N4BP2: variants seen among roughly 807,000 people sequenced by gnomAD.
N4BP2 encodes the protein NEDD4 binding protein 2.
Under a neutral mutation model 152.8 loss-of-function variants are expected in N4BP2, and 91 were observed. The ratio of observed to expected loss-of-function variants is 0.60; its 90% CI spans 0.50 to 0.71. N4BP2 has a LOEUF of 0.71. N4BP2 is among the 30% of genes least tolerant of loss of function. The pLI, the probability that N4BP2 is intolerant of heterozygous loss-of-function variation, is 0.00. For synonymous variants in N4BP2, 646 were observed against 705.3 expected (o/e 0.92, Z 1.33); for missense variants, 1,923 against 2,059.1 (o/e 0.93, Z 1.28).
rs1718938744 is a variant in N4BP2 at position 40,131,903 on chromosome 4, A to G, written c.4630A>G (p.Ile1544Val). The change falls in exon 13 of 18, where the codon ATT becomes GTT. Residue 1544 changes from isoleucine to valine, a missense_variant. Ile to Val is a conservative substitution (Grantham distance 29). Transcript: ENST00000261435. The stretch of plus-strand genomic sequence containing the variant: ...CATTAACCAAAATTTTCTGGTGGAC[A>G]TTTTCAAGGACCACAAGTGAGTGCT... Reference protein sequence around the residue: ...PAINQNFLVDIFKDHNYSLEH... With the variant: ...PAINQNFLVDVFKDHNYSLEH... 1 of 1,602,812 alleles carries G rather than the reference A, an allele frequency of 6.2e-7. No individual in the cohort carries two copies. Among genetic ancestry groups the G allele is most frequent in the South Asian group, 1.1e-5 (1 of 90,832 alleles).
At chr4:40,113,692 C>T (rs368348059) in intron 7 of N4BP2, among the ~76,000 whole-genome samples, 184 bp downstream of exon 7, 5 of 152,118 alleles carry the variant, frequency 3.3e-5, no homozygotes, top group African/African-American at 7.2e-5. Flanking sequence ...AGTTAATTTA[C>T]GGTAAAAATT....
chr4:40,109,728 A>G (rs1716691654), intron 5 of N4BP2, among the ~76,000 whole-genome samples: 1 of 152,078 alleles, frequency 6.6e-6, no homozygotes, highest in South Asian at 2.1e-4. Context: ...AAAAAAAAAA[A>G]AAGTGTTAGC....
chr4:40,104,119 C>A (rs1716002088), intron 4 of N4BP2, among the ~76,000 whole-genome samples: 2 of 151,984 alleles, frequency 1.3e-5, no homozygotes, highest in South Asian at 2.1e-4. Flanking sequence ...CGCCCAGCTA[C>A]TTTTTTGTAT....
In N4BP2 at chr4:40,121,692, G is replaced by T; in HGVS notation, c.3581G>T (p.Cys1194Phe). 6.2e-7 allele frequency: 1 copy of T among 1,614,142 alleles called. No individual in the cohort carries two copies. The highest frequency in any genetic ancestry group is 1.7e-5 in the Admixed American group (1 of 60,020). ...GISNADSQST[C>F]DAERGNSEQA... is the part of the protein sequence containing the mutation. ...AGTAACGCTGACTCACAGTCTACTT[G>T]TGATGCAGAAAGAGGAAACTCAGAG... Residue 1194 changes from cysteine to phenylalanine, a missense_variant, in exon 9 of 18, where the codon TGT (cysteine) becomes TTT (phenylalanine). Transcript: ENST00000261435.
In N4BP2 at chr4:40,102,827, C is replaced by G. The variant is rs1454995048; in HGVS notation, c.982C>G (p.Pro328Ala). 6.2e-7 allele frequency: 1 copy of G among 1,614,006 alleles called. No homozygotes were observed. The highest frequency in any genetic ancestry group is 1.7e-5 in the Admixed American group (1 of 59,998). The change falls in exon 4 of 18, where the codon CCA (proline) becomes GCA (alanine). Residue 328 changes from proline (P) to alanine (A), a missense_variant. Coordinates refer to ENST00000261435, the MANE Select transcript of N4BP2 (RefSeq NM_018177.6). The stretch of plus-strand genomic sequence containing the variant: ...ACCTTCCGAAGGGTTCAACTTCAAG[C>G]CACACAAACATCCTGAACTGCCAAC... ...FLPSEGFNFK[P>A]HKHPELPTKG...
intron 1 of N4BP2, among the ~76,000 whole-genome samples, chr4:40,057,534 C>A (rs1432254901): frequency 2.0e-5 from 3 of 152,216 alleles, no homozygotes; most frequent in African/African-American, 7.2e-5. Context: ...CACAGCCACT[C>A]ACACGTTCGG....
chr4:40,167,174 CTTAA>C, the N4BP2 span: 2 of 152,240 alleles, frequency 1.3e-5, no homozygotes, highest in Admixed American at 6.5e-5. Context: ...TTTTTAAACT[CTTAA>C]ATTGATACAA....
rs1441686726 is a variant in N4BP2 at position 40,138,160 on chromosome 4, G to A, written c.4785+1078G>A. Among the ~76,000 whole-genome samples, 13 of 152,306 alleles carry A rather than the reference G, an allele frequency of 8.5e-5. No homozygotes were observed. In the East Asian group the frequency reaches 2.3e-3, roughly 27 times the overall value. ...AATACAGAAATGGTGTCTTATTGTGGTTTTGATTTGCATTTCCTTGATGAC... is the reference window on the plus strand; with the variant it reads ...AATACAGAAATGGTGTCTTATTGTGATTTTGATTTGCATTTCCTTGATGAC... On this transcript the variant is annotated intron_variant, in intron 14 of 17. Transcript: ENST00000261435.
chr4:40,125,196 G>T (rs1156895032), intron 11 of N4BP2, among the ~76,000 whole-genome samples: 1 of 152,150 alleles, frequency 6.6e-6, no homozygotes, highest in East Asian at 1.9e-4. Flanking sequence ...AGGGATAGAG[G>T]TGCCCAAAGG....
At chr4:40,124,022 GTTTTAC>G (rs370295972) in intron 10 of N4BP2, 132 bp from the exon 11 acceptor site, 8 of 496,304 alleles carry the variant, frequency 1.6e-5, no homozygotes, top group Middle Eastern at 3.3e-4. Flanking sequence ...TAACTTTATT[GTTTTAC>G]TTAGATTGAG....
At chr4:40,174,624 G>A in the N4BP2 span, among the ~76,000 whole-genome samples, 1 of 152,084 alleles carries the variant, frequency 6.6e-6, no homozygotes, top group Non-Finnish European at 1.5e-5. Context: ...CCAACATGGT[G>A]AAACCCTGTC....
At chr4:40,080,538 T>C (rs1349629274) in intron 2 of N4BP2, among the ~76,000 whole-genome samples, 3 of 151,866 alleles carry the variant, frequency 2.0e-5, no homozygotes, top group African/African-American at 7.3e-5. Flanking sequence ...GGTTTCACCA[T>C]GTTGGCCAGG....
intron 1 of N4BP2, among the ~76,000 whole-genome samples, chr4:40,071,507 T>C (rs1174580853): frequency 2.0e-5 from 3 of 152,246 alleles, no homozygotes; most frequent in Non-Finnish European, 2.9e-5. Context: ...GTTATGGTTT[T>C]CTTTTTGCTT....
At chr4:40,143,254 T>G (rs2381488) in intron 15 of N4BP2, among the ~76,000 whole-genome samples, 160 of 152,324 alleles carry the variant, frequency 1.1e-3, no homozygotes, top group African/African-American at 3.6e-3. Context: ...TAATTTTTTT[T>G]GGGAAGTAAA....
At chr4:40,128,716 CAG>C (rs1181234765) in intron 12 of N4BP2, among the ~76,000 whole-genome samples, 1 of 151,812 alleles carries the variant, frequency 6.6e-6, no homozygotes, top group Admixed American at 6.6e-5. Flanking sequence ...TTAGTAGAGA[CAG>C]GGTTTCACCA....
intron 14 of N4BP2, among the ~76,000 whole-genome samples, chr4:40,141,959 G>A (rs932053393): frequency 2.6e-5 from 4 of 152,056 alleles, no homozygotes; most frequent in Non-Finnish European, 5.9e-5. Context: ...GTGGTGGCGC[G>A]TGCCTGCAAT....
the N4BP2 span, among the ~76,000 whole-genome samples, chr4:40,181,852 G>A: frequency 5.3e-5 from 8 of 152,308 alleles, no homozygotes; most frequent in Non-Finnish European, 8.8e-5. Context: ...TGGAGGCTGA[G>A]GCATGACAAT....
At chr4:40,072,072 C>T (rs1024297817) in intron 1 of N4BP2, among the ~76,000 whole-genome samples, 14 of 149,860 alleles carry the variant, frequency 9.3e-5, no homozygotes, top group African/African-American at 3.2e-4. Context: ...CTATGCCTGG[C>T]TAATTTTTTT....
chr4:40,059,656 T>G (rs1733500295), intron 1 of N4BP2, among the ~76,000 whole-genome samples: 1 of 152,092 alleles, frequency 6.6e-6, no homozygotes, highest in Non-Finnish European at 1.5e-5. Context: ...GGCCTTAGAT[T>G]GAACACTTTT....
Sources: gnomAD v4.1 joint callset for allele counts (sites outside exome capture counted in the v4.1 genomes callset) on GRCh38, gnomAD v4.1.1 for gene constraint, MANE v1.5 for transcripts, NCBI Gene and HGNC (gene_info 2026-07-23, HGNC 2026-07-21) for gene names.